Variants in QTMAN observed in about 807,000 individuals in gnomAD.
QTMAN encodes queuosine-tRNA mannosyltransferase, also known as tRNA-queuosine alpha-mannosyltransferase.
At chr2:144,262,973 GGAGGA>G in the QTMAN span, among the ~76,000 whole-genome samples, 163 of 95,964 alleles carry the variant, frequency 1.7e-3, 1 homozygote, top group Non-Finnish European at 3.0e-3. Flanking sequence ...AGAGGGGAAG[GGAGGA>G]GAGGGGAGGG....
the QTMAN span, among the ~76,000 whole-genome samples, chr2:143,976,973 C>T: frequency 6.6e-6 from 1 of 152,156 alleles, no homozygotes; most frequent in African/African-American, 2.4e-5. Context: ...ATTATATAAC[C>T]GTGTGCAACC....
the QTMAN span, among the ~76,000 whole-genome samples, chr2:144,297,159 C>G: frequency 6.6e-6 from 1 of 151,676 alleles, no homozygotes; most frequent in Non-Finnish European, 1.5e-5. Context: ...TCAATTATAC[C>G]CAACAGTAGG....
At chr2:144,005,369 G>A in the QTMAN span, among the ~76,000 whole-genome samples, 2 of 151,946 alleles carry the variant, frequency 1.3e-5, 1 homozygote, top group South Asian at 4.1e-4. Context: ...TGTGTGTCAG[G>A]CGGGAACCTG....
At chr2:144,042,936 T>C in the QTMAN span, among the ~76,000 whole-genome samples, 1 of 152,004 alleles carries the variant, frequency 6.6e-6, no homozygotes, top group Non-Finnish European at 1.5e-5. Context: ...TGCCAGTTTG[T>C]AGAAAAAGCC....
the QTMAN span, among the ~76,000 whole-genome samples, chr2:143,956,054 T>C: frequency 1.3e-5 from 2 of 152,192 alleles, no homozygotes; most frequent in Non-Finnish European, 2.9e-5. Context: ...GAAAGAAAAT[T>C]AGCCACATTT....
chr2:144,238,333 T>G, the QTMAN span, among the ~76,000 whole-genome samples: 2 of 152,324 alleles, frequency 1.3e-5, no homozygotes, highest in African/African-American at 4.8e-5. Context: ...TGATCCCTAG[T>G]CTCATAGACT....
the QTMAN span, among the ~76,000 whole-genome samples, chr2:144,150,148 A>G: frequency 6.6e-6 from 1 of 152,076 alleles, no homozygotes; most frequent in African/African-American, 2.4e-5. Context: ...CACAGACACC[A>G]GTTTGGGCTG....
chr2:144,274,507 T>C, the QTMAN span, among the ~76,000 whole-genome samples: 15 of 152,316 alleles, frequency 9.8e-5, no homozygotes, highest in Admixed American at 3.3e-4. Flanking sequence ...TGAACGTTGA[T>C]TGAGTTGATC....
chr2:144,029,379 T>C, the QTMAN span, among the ~76,000 whole-genome samples: 1 of 152,202 alleles, frequency 6.6e-6, no homozygotes, highest in Non-Finnish European at 1.5e-5. Context: ...AATAGCCCCA[T>C]TGAATTTCTC....
At chr2:144,116,437 C>T in the QTMAN span, among the ~76,000 whole-genome samples, 1 of 151,802 alleles carries the variant, frequency 6.6e-6, no homozygotes, top group African/African-American at 2.4e-5. Flanking sequence ...TTGTTTCTAC[C>T]CTTCTAAAAA....
chr2:144,253,079 T>C, the QTMAN span, among the ~76,000 whole-genome samples: 2 of 152,156 alleles, frequency 1.3e-5, no homozygotes, highest in African/African-American at 2.4e-5. Context: ...GTCACCCCCA[T>C]GCTGTTCTCA....
chr2:144,129,356 T>C, the QTMAN span, among the ~76,000 whole-genome samples: 2 of 151,922 alleles, frequency 1.3e-5, no homozygotes, highest in East Asian at 3.9e-4. Flanking sequence ...AACTAGGGAC[T>C]GAATTTCAAA....
chr2:144,067,968 G>A, the QTMAN span, among the ~76,000 whole-genome samples: 1 of 152,176 alleles, frequency 6.6e-6, no homozygotes, highest in Non-Finnish European at 1.5e-5. Flanking sequence ...TCAACATTAG[G>A]ACAGTTCTTC....
At chr2:144,082,980 C>T in the QTMAN span, among the ~76,000 whole-genome samples, 1 of 152,064 alleles carries the variant, frequency 6.6e-6, no homozygotes, top group Non-Finnish European at 1.5e-5. Flanking sequence ...TAAGGAGTTT[C>T]TAAGTATGGA....
chr2:144,326,984 A>G, the QTMAN span, among the ~76,000 whole-genome samples: 1 of 152,180 alleles, frequency 6.6e-6, no homozygotes, highest in Non-Finnish European at 1.5e-5. Context: ...CCCTTGATCC[A>G]GTCTTTTGCT....
chr2:144,156,636 C>T, the QTMAN span, among the ~76,000 whole-genome samples: 1,434 of 151,928 alleles, frequency 9.4e-3, 7 homozygotes, highest in Non-Finnish European at 0.014. Context: ...TGGAGTAAAA[C>T]AAAAATTAAA....
the QTMAN span, among the ~76,000 whole-genome samples, chr2:144,271,514 A>G: frequency 8.2e-4 from 125 of 152,350 alleles, no homozygotes; most frequent in African/African-American, 3.0e-3. Flanking sequence ...GTAAATCTAG[A>G]GTAAAGAAAT....
chr2:144,162,817 T>TAAGCAGGTGTGCAGCTGAAGCTGA, the QTMAN span, among the ~76,000 whole-genome samples: 1 of 152,266 alleles, frequency 6.6e-6, no homozygotes, highest in Admixed American at 6.5e-5. Flanking sequence ...GCTAAGGATG[T>TAAGCAGGTGTGCAGCTGAAGCTGA]GTCTATCAGC....
chr2:143,998,349 C>CTTATTTTGT, the QTMAN span, among the ~76,000 whole-genome samples: 1 of 151,892 alleles, frequency 6.6e-6, no homozygotes, highest in African/African-American at 2.4e-5. Flanking sequence ...TGAATTTTCC[C>CTTATTTTGT]TTCTTTTGTT....
Sources: allele counts gnomAD v4.1 joint callset (sites outside exome capture counted in the v4.1 genomes callset), GRCh38; gene constraint gnomAD v4.1.1; transcripts MANE v1.5; gene names NCBI Gene and HGNC (gene_info 2026-07-23, HGNC 2026-07-21).